The following CA4 variants were observed in gnomAD, a reference collection of about 807,000 sequenced individuals.
The protein encoded by CA4 is carbonic anhydrase 4, also known as CA-IV.
CA4 carries 24 observed loss-of-function variants against 34.5 expected under a neutral mutation model. That is an observed-to-expected ratio of 0.70 (90% CI 0.50 to 0.98). The LOEUF (loss-of-function observed/expected upper bound fraction) is 0.98, where lower values mean the gene tolerates loss of function less well. Among genes scored for constraint, CA4 ranks in the 50% least tolerant of loss-of-function variants. The pLI is 0.00. For missense variants in CA4, 394 were observed against 396.7 expected, an observed-to-expected ratio of 0.99 and a Z score of 0.06; for synonymous variants, 178 against 170.6, an observed-to-expected ratio of 1.04 and a Z score of -0.34.
At chr17:60,152,155 G>A (rs1251459466) in intron 1 of CA4, among the ~76,000 whole-genome samples, 1 of 151,898 alleles carries the variant, frequency 6.6e-6, no homozygotes, top group Non-Finnish European at 1.5e-5. Context: ...GACTAGGTAG[G>A]ATGTGGCGCT....
chr17:60,157,639 G>A lies in CA4; in HGVS notation c.415-51G>A, dbSNP rs773647296. On this transcript the variant is annotated intron_variant, in intron 4 of 7. Coordinates refer to ENST00000300900, the MANE Select transcript of CA4 (RefSeq NM_000717.5). ...GCGCGCACCTGCCTTGGGCAAGGAG[G>A]GTAGTCCAGGCCCTTCATAGGTCCC... The A allele has an allele frequency of 4.3e-6, 7 of 1,612,550 alleles. No homozygotes were observed. In the African/African-American group the frequency reaches 9.3e-5, roughly 22 times the overall value.
At chr17:60,154,953 C>T (rs2145262597) in intron 1 of CA4, among the ~76,000 whole-genome samples, 1 of 152,242 alleles carries the variant, frequency 6.6e-6, no homozygotes, top group Admixed American at 6.5e-5. Context: ...AGCCTCTTTT[C>T]CAGGTTTGGG....
intron 3 of CA4, 78 bp from the exon 4 acceptor site, chr17:60,157,349 C>G: frequency 7.1e-7 from 1 of 1,411,706 alleles, no homozygotes; most frequent in Non-Finnish European, 9.6e-7. Flanking sequence ...AATGTCCCAT[C>G]TGGGTGAAGC....
intron 1 of CA4, among the ~76,000 whole-genome samples, chr17:60,152,217 G>A (rs1245235756): frequency 6.6e-6 from 1 of 151,942 alleles, no homozygotes; most frequent in East Asian, 1.9e-4. Flanking sequence ...AGCCCTCTTG[G>A]GAGTGGCCTG....
the CA4 span, among the ~76,000 whole-genome samples, chr17:60,176,281 T>TTACCAAGC: frequency 6.6e-6 from 1 of 152,236 alleles, no homozygotes; most frequent in Non-Finnish European, 1.5e-5. Flanking sequence ...GATTGAGCAC[T>TTACCAAGC]TACCAAGCAA....
downstream of CA4, chr17:60,159,568 G>A: frequency 1.0e-6 from 1 of 973,366 alleles, no homozygotes; most frequent in Admixed American, 2.0e-5. Context: ...TGTGTTTTTA[G>A]CCTTCCACAA....
At chr17:60,175,177 C>A (rs2083946441), downstream of CA4, among the ~76,000 whole-genome samples, 1 of 126,630 alleles carries the variant, frequency 7.9e-6, no homozygotes, top group South Asian at 2.3e-4. Context: ...CATGGGCCAC[C>A]ACACCCAGCT....
intron 5 of CA4, among the ~76,000 whole-genome samples, chr17:60,167,404 G>A (rs1270936133): frequency 6.6e-6 from 1 of 152,180 alleles, no homozygotes; most frequent in Non-Finnish European, 1.5e-5. Context: ...TCTGCTCCTT[G>A]TCTGCTCCCC....
intron 5 of CA4, among the ~76,000 whole-genome samples, chr17:60,167,426 C>T (rs1306862198): frequency 1.3e-5 from 2 of 152,166 alleles, no homozygotes; most frequent in Non-Finnish European, 2.9e-5. Context: ...AGCAAGAGTC[C>T]CTGAGGAAAA....
the CA4 span, among the ~76,000 whole-genome samples, chr17:60,176,095 C>T: frequency 6.6e-6 from 1 of 152,092 alleles, no homozygotes; most frequent in Non-Finnish European, 1.5e-5. Context: ...GGATTACAGG[C>T]GTGAGCCACT....
rs2083559987 is a variant in CA4, at chr17:60,150,072, C to G, written c.38C>G (p.Ala13Gly). ...MLLALLALSA[A>G]RPSASAESHW... ...CTGGCGCTCCTGGCCCTCTCCGCGG[C>G]GCGGCCATCGGCCAGTGCAGGTGAG... Residue 13 changes from alanine to glycine, a missense_variant, in exon 1 of 8, where the codon GCG (alanine) becomes GGG (glycine). Physicochemically the swap from Ala to Gly is moderately conservative, Grantham distance 60. Coordinates refer to ENST00000300900, the MANE Select transcript of CA4 (RefSeq NM_000717.5). The G allele has an allele frequency of 6.3e-7, 1 of 1,599,844 alleles. No individual in the cohort carries two copies. The highest frequency in any genetic ancestry group is 1.3e-5 in the African/African-American group (1 of 74,926).
chr17:60,154,016 C>T (rs1041964952), intron 1 of CA4, among the ~76,000 whole-genome samples: 2 of 152,126 alleles, frequency 1.3e-5, no homozygotes, highest in South Asian at 2.1e-4. Context: ...GTCCCCACTC[C>T]GGGGACTCTA....
At chr17:60,174,021 T>C (rs1472275438), downstream of CA4, among the ~76,000 whole-genome samples, 1 of 152,222 alleles carries the variant, frequency 6.6e-6, no homozygotes, top group Non-Finnish European at 1.5e-5. Context: ...ATTATTGTTA[T>C]ATTATGCCTG....
At chr17:60,155,411 G>A (rs753999609) in intron 2 of CA4, 44 bp downstream of exon 2, 10 of 1,523,660 alleles carry the variant, frequency 6.6e-6, no homozygotes, top group Non-Finnish European at 9.0e-6. Flanking sequence ...TGCATGGTGG[G>A]CACCACGCAA....
At chr17:60,159,612 T>C (rs2083762136), downstream of CA4, 1 of 665,204 alleles carries the variant, frequency 1.5e-6, no homozygotes, top group Non-Finnish European at 2.6e-6. Context: ...CCCACCCCTG[T>C]TCCTCCTGTT....
downstream of CA4, among the ~76,000 whole-genome samples, chr17:60,162,069 C>T (rs1034726856): frequency 3.3e-5 from 5 of 152,148 alleles, no homozygotes; most frequent in African/African-American, 9.7e-5. Context: ...ATCATAAATC[C>T]GGCCAGCAGG....
Position 60,157,783 on chromosome 17 carries a change from G to T in CA4, c.508G>T (p.Val170Leu). The change falls in exon 5 of 8, where the codon GTG becomes TTG. Residue 170 changes from valine (V) to leucine (L), a missense_variant. Physicochemically the swap from Val to Leu is conservative, Grantham distance 32. Coordinates refer to ENST00000300900, the MANE Select transcript of CA4 (RefSeq NM_000717.5). ...CGAAATTGCGGTGCTGGCCTTTCTG[G>T]TGGAGGTGGGACTCCCATCCCCCAC... ...EDEIAVLAFL[V>L]EAGTQVNEGF... 6.2e-7 allele frequency: 1 copy of T among 1,612,604 alleles called. No individual in the cohort carries two copies. The highest frequency in any genetic ancestry group is 1.1e-5 in the South Asian group (1 of 91,050).
chr17:60,155,814 T>C (rs762012981), intron 2 of CA4, among the ~76,000 whole-genome samples: 1 of 152,198 alleles, frequency 6.6e-6, no homozygotes, highest in Non-Finnish European at 1.5e-5. Flanking sequence ...GGTAGCAGCA[T>C]TAAAGGAAGA....
Position 60,158,387 on chromosome 17 carries a change from T to G in CA4, c.685T>G (p.Cys229Gly). Reference protein sequence around the residue: ...RYLGSLTTPTCDEKVVWTVFR... With the variant: ...RYLGSLTTPTGDEKVVWTVFR... ...CCTGGGCTCACTCACCACACCGACC[T>G]GCGATGAGAAGGTCGTCTGGACTGT... Residue 229 changes from cysteine to glycine, a missense_variant, in exon 7 of 8, where the codon TGC becomes GGC. By Grantham distance (159) the Cys-to-Gly change is radical (BLOSUM62 -3). Coordinates refer to ENST00000300900, the MANE Select transcript of CA4 (RefSeq NM_000717.5). The G allele has an allele frequency of 7.4e-6, 12 of 1,614,178 alleles. No individual in the cohort carries two copies. Among genetic ancestry groups the G allele is most frequent in the Non-Finnish European group, 1.0e-5 (12 of 1,180,022 alleles).
Sources: gnomAD v4.1 joint callset for allele counts (sites outside exome capture counted in the v4.1 genomes callset) on GRCh38, gnomAD v4.1.1 for gene constraint, MANE v1.5 for transcripts, NCBI Gene and HGNC (gene_info 2026-07-23, HGNC 2026-07-21) for gene names.